Variants in ABHD18 observed in about 807,000 individuals in gnomAD.
ABHD18 encodes the protein cardiolipin-specific deacylase, mitochondrial.
Under a neutral mutation model 65.9 loss-of-function variants are expected in ABHD18, and 55 were observed. That is an observed-to-expected ratio of 0.84 (90% CI 0.67 to 1.05). The LOEUF is 1.05. Among genes scored for constraint, ABHD18 ranks in the 50% least tolerant of loss-of-function variants. ABHD18 has a pLI of 0.00. For synonymous variants in ABHD18, 181 were observed against 180.2 expected, an observed-to-expected ratio of 1.00 and a Z score of -0.04; for missense variants, 533 against 558.5, an observed-to-expected ratio of 0.95 and a Z score of 0.46.
At chr4:128,005,586 C>A (rs753749321) in intron 4 of ABHD18, among the ~76,000 whole-genome samples, 5 of 152,132 alleles carry the variant, frequency 3.3e-5, no homozygotes, top group African/African-American at 4.8e-5. Flanking sequence ...CATTGGCCTC[C>A]TGAGTAGCTG....
intron 12 of ABHD18, among the ~76,000 whole-genome samples, chr4:128,034,778 G>A (rs2149202910): frequency 6.6e-6 from 1 of 152,050 alleles, no homozygotes; most frequent in South Asian, 2.1e-4. Context: ...AGCCTCCCGA[G>A]TAGCTGGGAT....
intron 4 of ABHD18, 45 bp downstream of exon 4, chr4:127,989,866 C>A: frequency 5.8e-6 from 7 of 1,208,598 alleles, no homozygotes; most frequent in South Asian, 3.0e-5. Flanking sequence ...TATTTATGTT[C>A]ATTAAAATTA....
intron 1 of ABHD18, among the ~76,000 whole-genome samples, chr4:127,974,094 A>G (rs561686000): frequency 6.6e-6 from 1 of 152,080 alleles, no homozygotes. Flanking sequence ...TTGTTCTTCA[A>G]ATTATATTCT....
At chr4:128,003,815 C>T (rs546408059) in intron 4 of ABHD18, among the ~76,000 whole-genome samples, 7 of 151,922 alleles carry the variant, frequency 4.6e-5, no homozygotes, top group Non-Finnish European at 8.8e-5. Context: ...TGTGGTGGTA[C>T]GTGCCTGTGG....
At chr4:128,008,886 A>T (rs1370798615) in intron 4 of ABHD18, 34 bp from the exon 5 acceptor site, 9 of 1,473,548 alleles carry the variant, frequency 6.1e-6, no homozygotes, top group Non-Finnish European at 8.3e-6. Context: ...CTTTAAAGAG[A>T]ATTTTATTGA....
At chr4:128,017,856 T>C (rs1755780466) in intron 8 of ABHD18, among the ~76,000 whole-genome samples, 1 of 152,222 alleles carries the variant, frequency 6.6e-6, no homozygotes, top group Non-Finnish European at 1.5e-5. Context: ...ACCACTAACC[T>C]ATTTTACTTT....
rs1470897131 is a variant in ABHD18 at position 128,035,652 on chromosome 4, A to G, written c.1344-110A>G. ...CCTATTTCATAGCTATTTAGAGAGG[A>G]TGTCAAGTTGCAAGCCACAGATAAA... On this transcript the variant is annotated intron_variant, in intron 12 of 12. Coordinates refer to ENST00000645843, the MANE Select transcript of ABHD18 (RefSeq NM_001358451.3). 4.8e-6 allele frequency: 3 copies of G among 629,054 alleles called. No homozygotes were observed. The African/African-American group carries it at 5.5e-5, about 12-fold the overall frequency. 39.0% of individuals were successfully genotyped at this position (629,054 alleles called of 1,614,324 possible).
At chr4:127,966,961 A>T (rs1340541744) in intron 1 of ABHD18, among the ~76,000 whole-genome samples, 1 of 151,764 alleles carries the variant, frequency 6.6e-6, no homozygotes, top group Non-Finnish European at 1.5e-5. Flanking sequence ...GATATTTTGT[A>T]CTTGGATTCA....
chr4:127,988,263 C>T (rs879785067), intron 3 of ABHD18, among the ~76,000 whole-genome samples: 1 of 152,166 alleles, frequency 6.6e-6, no homozygotes, highest in African/African-American at 2.4e-5. Context: ...CAGAGTCTCA[C>T]TCTGTCACCC....
Position 127,989,791 on chromosome 4 carries a change from A to G in ABHD18, c.248A>G (p.Asp83Gly), listed in dbSNP as rs1168683411. The change falls in exon 4 of 13, where the codon GAT (aspartate) becomes GGT (glycine). Residue 83 changes from aspartate to glycine, a missense_variant. Physicochemically the swap from Asp to Gly is moderately conservative, Grantham distance 94. Coordinates refer to ENST00000645843, the MANE Select transcript of ABHD18 (RefSeq NM_001358451.3). ...TCCCCCATGGCTCACTATGTGCCTG[A>G]TATCATGCCAATTGAATCTGTTATT... ...FVSPMAHYVP[D>G]IMPIESVIAR... The G allele has an allele frequency of 2.6e-5, 41 of 1,597,834 alleles. No homozygotes were observed. Among genetic ancestry groups the G allele is most frequent in the Non-Finnish European group, 3.5e-5 (41 of 1,171,888 alleles).
chr4:128,013,438 C>T (rs1197660911), intron 7 of ABHD18, among the ~76,000 whole-genome samples: 1 of 152,114 alleles, frequency 6.6e-6, no homozygotes, highest in African/African-American at 2.4e-5. Flanking sequence ...CAGTGGCTCA[C>T]GCCTGTAATC....
chr4:127,977,341 G>C (rs889896118), intron 1 of ABHD18, among the ~76,000 whole-genome samples: 1 of 151,928 alleles, frequency 6.6e-6, no homozygotes, highest in Non-Finnish European at 1.5e-5. Context: ...GCGTGGTGGC[G>C]CATGCCTGTA....
At chr4:128,011,297 C>T (rs1467314258) in intron 6 of ABHD18, among the ~76,000 whole-genome samples, 1 of 151,770 alleles carries the variant, frequency 6.6e-6, no homozygotes, top group Non-Finnish European at 1.5e-5. Context: ...TACAGGCGCC[C>T]GCCACCTCGC....
intron 2 of ABHD18, 33 bp from the exon 3 acceptor site, chr4:127,984,306 A>AT (rs1426413621): frequency 2.9e-6 from 4 of 1,377,518 alleles, no homozygotes; most frequent in East Asian, 2.5e-5. Flanking sequence ...TAAAAGATTA[A>AT]TTTTTTCCTT....
chr4:128,027,258 A>G (rs1290748785), intron 10 of ABHD18, among the ~76,000 whole-genome samples: 1 of 152,162 alleles, frequency 6.6e-6, no homozygotes, highest in African/African-American at 2.4e-5. Context: ...ATACATTGTG[A>G]TGTTCACACA....
chr4:127,994,197 C>T (rs1751374438), intron 4 of ABHD18, among the ~76,000 whole-genome samples: 1 of 152,064 alleles, frequency 6.6e-6, no homozygotes, highest in Non-Finnish European at 1.5e-5. Flanking sequence ...TATGGATTTC[C>T]CTATGTAATG....
At position 127,989,323 on chromosome 4, in the gene ABHD18, G is replaced by A. The variant is rs1165337484; in HGVS notation, c.178-398G>A. On this transcript the variant is annotated intron_variant, in intron 3 of 12. Coordinates refer to ENST00000645843, the MANE Select transcript of ABHD18 (RefSeq NM_001358451.3). ...GTGGAGATGATTAATTGGTGCAAAT[G>A]TACAGTCAGATAGAATCAATAAGAT... 7.9e-5 allele frequency among the ~76,000 whole-genome samples: 12 copies of A among 152,026 alleles called. No homozygotes were observed. In the East Asian group the frequency reaches 1.5e-3, roughly 20 times the overall value.
chr4:128,006,851 A>G (rs925977327), intron 4 of ABHD18, among the ~76,000 whole-genome samples: 3 of 152,218 alleles, frequency 2.0e-5, no homozygotes, highest in African/African-American at 7.2e-5. Context: ...TTGGGAGGCC[A>G]TGGCGGGAGG....
intron 7 of ABHD18, among the ~76,000 whole-genome samples, chr4:128,016,779 A>C (rs1452741024): frequency 6.6e-6 from 1 of 152,232 alleles, no homozygotes; most frequent in Non-Finnish European, 1.5e-5. Flanking sequence ...TCCGTCTCAA[A>C]GAAAAATAAA....
Sources: allele counts gnomAD v4.1 joint callset (sites outside exome capture counted in the v4.1 genomes callset), GRCh38; gene constraint gnomAD v4.1.1; transcripts MANE v1.5; gene names NCBI Gene and HGNC (gene_info 2026-07-23, HGNC 2026-07-21).